Variants in ESYT1 observed in about 807,000 individuals in gnomAD.
ESYT1 encodes the protein extended synaptotagmin-1.
A neutral mutation model predicts 154.2 loss-of-function variants in ESYT1; 116 were observed. That is an observed-to-expected ratio of 0.75 (90% CI 0.65 to 0.88). ESYT1 has a LOEUF of 0.88. Ranked by LOEUF, ESYT1 falls within the 40% of genes least tolerant of loss-of-function variation. The pLI, the probability that ESYT1 is intolerant of heterozygous loss-of-function variation, is 0.00. For synonymous variants in ESYT1, 500 were observed against 539.9 expected, an observed-to-expected ratio of 0.93 and a Z score of 1.02; for missense variants, 1,264 against 1,379.3, an observed-to-expected ratio of 0.92 and a Z score of 1.32.
chr12:56,132,446 C>G lies in ESYT1; in HGVS notation c.1010C>G (p.Ala337Gly), dbSNP rs1362907942. 2 of 1,614,068 alleles carry G rather than the reference C, an allele frequency of 1.2e-6. No individual in the cohort carries two copies. The highest frequency in any genetic ancestry group is 2.7e-5 in the African/African-American group (2 of 74,918). The stretch of plus-strand genomic sequence containing the variant: ...GGCATTATTCGAATTCACCTGCTGG[C>G]TGCTCGAGGGCTGAGTTCCAAGGAC... ...PRGIIRIHLLAARGLSSKDKY... is the reference protein window; with the variant it reads ...PRGIIRIHLLGARGLSSKDKY... The change falls in exon 9 of 31, where the codon GCT becomes GGT. Residue 337 changes from alanine to glycine, a missense_variant. Physicochemically the swap from Ala to Gly is moderately conservative, Grantham distance 60. Transcript: ENST00000394048.
chr12:56,143,154 T>C lies in ESYT1; in HGVS notation c.3119+6T>C, dbSNP rs1870783891. 6.2e-7 allele frequency: 1 copy of C among 1,613,940 alleles called. No individual in the cohort carries two copies. Among genetic ancestry groups the C allele is most frequent in the African/African-American group, 1.3e-5 (1 of 74,868 alleles). ...AGTCCTGAATTTAATGAACGGTCAGTCAGTGGGCATTCAGGTGGAGAGATG... is the reference window on the plus strand; with the variant it reads ...AGTCCTGAATTTAATGAACGGTCAGCCAGTGGGCATTCAGGTGGAGAGATG... On this transcript the variant is annotated splice_donor_region_variant and intron_variant, in intron 28 of 30. Coordinates refer to ENST00000394048, the MANE Select transcript of ESYT1 (RefSeq NM_015292.3).
At chr12:56,132,186 C>G in intron 7 of ESYT1, 23 bp from the exon 8 acceptor site, 1 of 1,614,134 alleles carries the variant, frequency 6.2e-7, no homozygotes, top group Non-Finnish European at 8.5e-7. Context: ...GCCATACCCA[C>G]TCCTTTCTAC....
Position 56,143,642 on chromosome 12 carries a change from GT to G in ESYT1, c.3275+14del, listed in dbSNP as rs768564485. 1.2e-6 allele frequency: 2 copies of G among 1,613,826 alleles called. No homozygotes were observed. The highest frequency in any genetic ancestry group is 1.7e-6 in the Non-Finnish European group (2 of 1,179,926). The stretch of plus-strand genomic sequence containing the variant: ...GTGTAGCCCGGTGGTGAGTGTCTGC[GT>G]GGGTGGGGGATGGTCTGGATATTTC... On this transcript the variant is annotated intron_variant, in intron 30 of 30. Transcript: ENST00000394048.
Position 56,144,015 on chromosome 12 carries a change from TGAC to T in ESYT1, c.*154_*156del. The stretch of plus-strand genomic sequence containing the variant: ...ACAGGCCCATATTCGGGCCTTTGCC[TGAC>T]CAAAGAGAAGAACCGTATGTTCCCT... On this transcript the variant is annotated 3_prime_UTR_variant, in exon 31 of 31. Transcript: ENST00000394048. 1 of 1,511,686 alleles carries T rather than the reference TGAC, an allele frequency of 6.6e-7. No individual in the cohort carries two copies. The highest frequency in any genetic ancestry group is 8.8e-7 in the Non-Finnish European group (1 of 1,136,420). 93.6% of individuals were successfully genotyped at this position (1,511,686 alleles called of 1,614,324 possible).
rs1774728864 is a variant in ESYT1 at position 56,132,547 on chromosome 12, A to G, written c.1111A>G (p.Ser371Gly). Residue 371 changes from serine to glycine, a missense_variant, in exon 9 of 31, where the codon AGT becomes GGT. Physicochemically the swap from Ser to Gly is moderately conservative, Grantham distance 56. Transcript: ENST00000394048. ...GCGTTTGGGTACCCAGACATTCTGC[A>G]GTCGTGTCATTGATGAAGAACTCAA... is the stretch of plus-strand genomic sequence containing the variant. Reference protein sequence around the residue: ...LVRLGTQTFCSRVIDEELNPQ... With the variant: ...LVRLGTQTFCGRVIDEELNPQ... 1.2e-6 allele frequency: 2 copies of G among 1,614,074 alleles called. No homozygotes were observed. Among genetic ancestry groups the G allele is most frequent in the African/African-American group, 2.7e-5 (2 of 74,926 alleles).
At chr12:56,141,354 T>C (rs1870675989) in intron 24 of ESYT1, among the ~76,000 whole-genome samples, 1 of 152,258 alleles carries the variant, frequency 6.6e-6, no homozygotes, top group Non-Finnish European at 1.5e-5. Flanking sequence ...ACATTTGGAA[T>C]ATGGCAATAG....
chr12:56,142,196 T>G lies in ESYT1; in HGVS notation c.2593-89T>G. On this transcript the variant is annotated intron_variant, in intron 24 of 30. Coordinates refer to ENST00000394048, the MANE Select transcript of ESYT1 (RefSeq NM_015292.3). The surrounding 1 kb of genome is among the most constrained non-coding windows in gnomAD (Gnocchi z 4.1). Reference sequence around the variant, plus strand: ...AAGGGAAATCTCACCAAACCACCTATGAGTCCAAGCGTTTGGACCTTTAAA... The same window carrying G: ...AAGGGAAATCTCACCAAACCACCTAGGAGTCCAAGCGTTTGGACCTTTAAA... 2.0e-6 allele frequency: 3 copies of G among 1,475,718 alleles called. No homozygotes were observed. The highest frequency in any genetic ancestry group is 2.8e-6 in the Non-Finnish European group (3 of 1,083,100). The allele number at this position is 1,475,718 out of a possible 1,614,324, so 91.4% of individuals were successfully genotyped here.
At chr12:56,133,265 A>G in intron 10 of ESYT1, 152 bp from the exon 11 acceptor site, 1 of 758,130 alleles carries the variant, frequency 1.3e-6, no homozygotes, top group Non-Finnish European at 2.3e-6. Flanking sequence ...GCACATACTC[A>G]CGCATGCAGG....
chr12:56,138,574 G>C (rs1565875759), intron 22 of ESYT1, 75 bp downstream of exon 22: 1 of 1,436,500 alleles, frequency 7.0e-7, no homozygotes, highest in Non-Finnish European at 9.6e-7. Context: ...TGGTCCTGGA[G>C]TATTTAGAAT....
intron 15 of ESYT1, among the ~76,000 whole-genome samples, 189 bp downstream of exon 15, chr12:56,134,617 G>C (rs1434357202): frequency 1.7e-5 from 2 of 118,184 alleles, no homozygotes; most frequent in Non-Finnish European, 1.8e-5. Context: ...TTTTTTTTTT[G>C]AGATGGAGTC....
intron 1 of ESYT1, chr12:56,129,442 T>A (rs1870139559): frequency 1.3e-5 from 2 of 153,078 alleles, no homozygotes; most frequent in African/African-American, 4.8e-5. Flanking sequence ...GGCGGCCGCG[T>A]CTCCTGTGCT....
Position 56,144,114 on chromosome 12 carries a change from G to A in ESYT1, c.*252G>A. 1 of 1,409,432 alleles carries A rather than the reference G, an allele frequency of 7.1e-7. No homozygotes were observed. The highest frequency in any genetic ancestry group is 9.2e-7 in the Non-Finnish European group (1 of 1,084,128). The allele number at this position is 1,409,432 out of a possible 1,614,324, so 87.3% of individuals were successfully genotyped here. A position where few individuals can be genotyped will look rare whatever the true frequency, so the allele number is the denominator to read the frequency against. On this transcript the variant is annotated 3_prime_UTR_variant, in exon 31 of 31. Coordinates refer to ENST00000394048, the MANE Select transcript of ESYT1 (RefSeq NM_015292.3). ...GAGCTGGCTGTTTCCTGCTTTGCCT[G>A]CACATTGTTCTCCCTTCCTCCCAAC...
intron 30 of ESYT1, 80 bp downstream of exon 30, chr12:56,143,709 C>G (rs1870809048): frequency 6.2e-7 from 1 of 1,609,740 alleles, no homozygotes; most frequent in South Asian, 1.1e-5. Flanking sequence ...AAAAAAGATA[C>G]AATCTGAGCA....
In ESYT1 at chr12:56,131,513, A is replaced by G; in HGVS notation, c.751A>G (p.Ile251Val). 2 of 1,614,138 alleles carry G rather than the reference A, an allele frequency of 1.2e-6. No individual in the cohort carries two copies. The highest frequency in any genetic ancestry group is 1.7e-6 in the Non-Finnish European group (2 of 1,180,024). Residue 251 changes from isoleucine (I) to valine (V), a missense_variant, in exon 6 of 31, where the codon ATT (isoleucine) becomes GTT (valine). Coordinates refer to ENST00000394048, the MANE Select transcript of ESYT1 (RefSeq NM_015292.3). ...GVLRVILEPL[I>V]GDLPFVGAVS... Reference sequence around the variant, plus strand: ...TTTGCGGGTGATACTGGAGCCACTCATTGGGGACCTTCCCTTCGTGGGGGC... The same window carrying G: ...TTTGCGGGTGATACTGGAGCCACTCGTTGGGGACCTTCCCTTCGTGGGGGC...
At chr12:56,143,471 T>C in intron 29 of ESYT1, 109 bp from the exon 30 acceptor site, 4 of 1,525,950 alleles carry the variant, frequency 2.6e-6, no homozygotes, top group Non-Finnish European at 3.6e-6. Flanking sequence ...GACGAGTATG[T>C]GATGAAGGAA....
At position 56,143,225 on chromosome 12, in the gene ESYT1, C is replaced by G. The variant is rs748994019; in HGVS notation, c.3120-3C>G. The G allele has an allele frequency of 2.5e-6, 4 of 1,614,022 alleles. No individual in the cohort carries two copies. In the East Asian group the frequency reaches 6.7e-5, roughly 27 times the overall value. On this transcript the variant is annotated splice_polypyrimidine_tract_variant and splice_region_variant and intron_variant, in intron 28 of 30. Coordinates refer to ENST00000394048, the MANE Select transcript of ESYT1 (RefSeq NM_015292.3). ...TGGCCCCTAACATCCAGTCCTACCC[C>G]AGGTTTGAGTGGGAACTCCCCCTGG...
Position 56,133,888 on chromosome 12 carries a change from G to T in ESYT1, c.1473+15G>T. 6.2e-7 allele frequency: 1 copy of T among 1,612,372 alleles called. No homozygotes were observed. Among genetic ancestry groups the T allele is most frequent in the South Asian group, 1.1e-5 (1 of 91,032 alleles). The stretch of plus-strand genomic sequence containing the variant: ...AGGATCTTCCTGTGAGTTTGGCTGG[G>T]TGAACAGGAGCCCTGGATGTAACAT... On this transcript the variant is annotated intron_variant, in intron 13 of 30. Transcript: ENST00000394048.
Position 56,132,346 on chromosome 12 carries a change from C to T in ESYT1, c.984+14C>T. On this transcript the variant is annotated intron_variant, in intron 8 of 30. Coordinates refer to ENST00000394048, the MANE Select transcript of ESYT1 (RefSeq NM_015292.3). ...CCTCTGCCCAGGGTATGGCCTTTCC[C>T]CCACTAGATAGATCCTTCTCTCAGG... is the stretch of plus-strand genomic sequence containing the variant. 1 of 1,614,112 alleles carries T rather than the reference C, an allele frequency of 6.2e-7. No individual in the cohort carries two copies. The highest frequency in any genetic ancestry group is 8.5e-7 in the Non-Finnish European group (1 of 1,180,028).
At chr12:56,136,354 C>T (rs141052619) in intron 15 of ESYT1, among the ~76,000 whole-genome samples, 3 of 151,926 alleles carry the variant, frequency 2.0e-5, no homozygotes, top group Admixed American at 1.3e-4. Context: ...TGGCTCTGGC[C>T]GAGGTGGGCG....
Sources: gnomAD v4.1 joint callset for allele counts (sites outside exome capture counted in the v4.1 genomes callset) on GRCh38, gnomAD v4.1.1 for gene constraint, Gnocchi (gnomAD v3.1) non-coding constraint, MANE v1.5 for transcripts, NCBI Gene and HGNC (gene_info 2026-07-23, HGNC 2026-07-21) for gene names.